Variants in SPAG16 observed in about 807,000 individuals in gnomAD.
The protein encoded by SPAG16 is sperm associated antigen 16, also known as sperm-associated antigen 16 protein.
In SPAG16, 86 loss-of-function variants were observed where a neutral mutation model predicts 80.4. The observed-to-expected ratio is 1.07, with a 90% confidence interval of 0.90 to 1.28. The LOEUF (loss-of-function observed/expected upper bound fraction) is 1.28, where lower values mean the gene tolerates loss of function less well. Among genes scored for constraint, SPAG16 ranks in the 50% most tolerant of loss-of-function variants. The pLI is 0.00. For missense variants in SPAG16, 870 were observed against 765.3 expected, an observed-to-expected ratio of 1.14 and a Z score of -1.61; for synonymous variants, 294 against 265.9, an observed-to-expected ratio of 1.11 and a Z score of -1.03.
At chr2:214,354,489 T>C (rs1202450796) in intron 15 of SPAG16, among the ~76,000 whole-genome samples, 1 of 152,112 alleles carries the variant, frequency 6.6e-6, no homozygotes, top group Non-Finnish European at 1.5e-5. Flanking sequence ...CAGGCTCTTT[T>C]TTGGTTCCAT....
At chr2:214,088,736 A>G (rs931740269) in intron 13 of SPAG16, among the ~76,000 whole-genome samples, 1 of 152,076 alleles carries the variant, frequency 6.6e-6, no homozygotes, top group African/African-American at 2.4e-5. Flanking sequence ...TCTAACCTCT[A>G]AAACAGATGC....
At chr2:213,772,382 A>G (rs1356589403) in intron 10 of SPAG16, among the ~76,000 whole-genome samples, 1 of 152,094 alleles carries the variant, frequency 6.6e-6, no homozygotes, top group Non-Finnish European at 1.5e-5. Context: ...ATGGAAGCAG[A>G]TATTTTTTAC....
At chr2:214,086,493 C>T (rs112923180) in intron 13 of SPAG16, among the ~76,000 whole-genome samples, 3,247 of 152,080 alleles carry the variant, frequency 0.021, 115 homozygotes, top group African/African-American at 0.075. Context: ...AGGCAGTCCC[C>T]CTGTGCTGTT....
At chr2:213,701,118 T>C (rs10932493) in intron 10 of SPAG16, among the ~76,000 whole-genome samples, 20 of 152,142 alleles carry the variant, frequency 1.3e-4, no homozygotes, top group African/African-American at 4.3e-4. Context: ...CACCTGCCTG[T>C]ACTCCCAGCT....
At chr2:213,928,531 A>G (rs2078597531) in intron 11 of SPAG16, among the ~76,000 whole-genome samples, 1 of 152,210 alleles carries the variant, frequency 6.6e-6, no homozygotes, top group Non-Finnish European at 1.5e-5. Flanking sequence ...TCTTAGCTGA[A>G]AAATACCCAA....
At chr2:213,919,429 T>C (rs2078110625) in intron 11 of SPAG16, among the ~76,000 whole-genome samples, 1 of 152,248 alleles carries the variant, frequency 6.6e-6, no homozygotes, top group South Asian at 2.1e-4. Flanking sequence ...TTTAGTGCTA[T>C]AAATTTTCCT....
At chr2:214,040,230 G>C (rs1052022028) in intron 13 of SPAG16, among the ~76,000 whole-genome samples, 3 of 152,112 alleles carry the variant, frequency 2.0e-5, no homozygotes, top group African/African-American at 7.2e-5. Flanking sequence ...TCCTAGCCTG[G>C]TGGTCTCTCA....
chr2:213,874,380 G>C (rs1368863795), intron 11 of SPAG16, among the ~76,000 whole-genome samples: 1 of 151,926 alleles, frequency 6.6e-6, no homozygotes, highest in Non-Finnish European at 1.5e-5. Context: ...AAAATATTTT[G>C]TGCTTTTTCT....
At chr2:213,369,485 A>G (rs957623517) in intron 8 of SPAG16, among the ~76,000 whole-genome samples, 3 of 152,162 alleles carry the variant, frequency 2.0e-5, no homozygotes, top group Non-Finnish European at 4.4e-5. Flanking sequence ...ATGCCTGTTT[A>G]TATTTGTCAA....
chr2:214,266,985 T>C lies in SPAG16; in HGVS notation c.1720+117719T>C, dbSNP rs374179485. ...CCCCATGTTTGTGAATTGAAAGAAT[T>C]AATATTGTTAAAATGTCCATACTAC... On this transcript the variant is annotated intron_variant, in intron 15 of 15. Coordinates refer to ENST00000331683, the MANE Select transcript of SPAG16 (RefSeq NM_024532.5). Among the ~76,000 whole-genome samples, 32 of 151,812 alleles carry C rather than the reference T, an allele frequency of 2.1e-4. No individual in the cohort carries two copies. In the East Asian group the frequency reaches 4.3e-3, roughly 20 times the overall value.
chr2:213,878,256 AT>A (rs66763977), intron 11 of SPAG16, among the ~76,000 whole-genome samples: 47,191 of 151,900 alleles, frequency 0.31, 8,465 homozygotes, highest in South Asian at 0.47. Context: ...AAATCATCAT[AT>A]TGTTTTCCAA....
At chr2:214,275,740 G>A (rs565304416) in intron 15 of SPAG16, among the ~76,000 whole-genome samples, 179 of 152,296 alleles carry the variant, frequency 1.2e-3, no homozygotes, top group African/African-American at 4.2e-3. Flanking sequence ...GAATAAGTGG[G>A]ATGTGGTGCT....
intron 9 of SPAG16, among the ~76,000 whole-genome samples, chr2:213,459,077 T>C (rs918164461): frequency 2.0e-5 from 3 of 152,180 alleles, no homozygotes; most frequent in African/African-American, 7.2e-5. Context: ...CCCCTTTTTT[T>C]ACTTTGTACC....
chr2:213,607,244 C>G (rs1470265554), intron 10 of SPAG16, among the ~76,000 whole-genome samples: 2 of 152,144 alleles, frequency 1.3e-5, no homozygotes, highest in African/African-American at 4.8e-5. Flanking sequence ...TTAAATGTAA[C>G]TATGAATACA....
At chr2:213,551,787 C>T (rs1346173624) in intron 10 of SPAG16, among the ~76,000 whole-genome samples, 2 of 152,188 alleles carry the variant, frequency 1.3e-5, no homozygotes, top group Non-Finnish European at 1.5e-5. Context: ...CCCCACTCCA[C>T]TTCTATATTT....
chr2:213,761,723 G>T (rs994645127), intron 10 of SPAG16, among the ~76,000 whole-genome samples: 3 of 151,898 alleles, frequency 2.0e-5, no homozygotes, highest in Non-Finnish European at 2.9e-5. Context: ...AAAATTAGCT[G>T]GGCGTGGTGG....
intron 9 of SPAG16, among the ~76,000 whole-genome samples, chr2:213,383,439 TA>T (rs1037663850): frequency 6.6e-5 from 10 of 152,162 alleles, no homozygotes; most frequent in Non-Finnish European, 1.5e-5. Context: ...CTTGGATGTC[TA>T]AATAAGTTGT....
intron 10 of SPAG16, among the ~76,000 whole-genome samples, chr2:213,711,036 A>G (rs757870247): frequency 9.8e-5 from 15 of 152,324 alleles, no homozygotes; most frequent in Non-Finnish European, 2.1e-4. Context: ...GTTTTAGTGC[A>G]TTTGTAATAT....
chr2:214,371,720 G>T (rs1000310165), intron 15 of SPAG16, among the ~76,000 whole-genome samples: 1 of 143,060 alleles, frequency 7.0e-6, no homozygotes, highest in African/African-American at 2.6e-5. Flanking sequence ...TCACTCAGTC[G>T]TCCAGGCTGG....
Sources: gnomAD v4.1 joint callset for allele counts (sites outside exome capture counted in the v4.1 genomes callset) on GRCh38, gnomAD v4.1.1 for gene constraint, MANE v1.5 for transcripts, NCBI Gene and HGNC (gene_info 2026-07-23, HGNC 2026-07-21) for gene names.